Variants in MLIP observed in about 807,000 individuals in gnomAD.
MLIP encodes muscular LMNA interacting protein.
MLIP carries 79 observed loss-of-function variants against 84.8 expected under a neutral mutation model. That is an observed-to-expected ratio of 0.93 (90% CI 0.78 to 1.12). The LOEUF (loss-of-function observed/expected upper bound fraction) is 1.12. Ranked by LOEUF, MLIP falls within the 50% of genes most tolerant of loss-of-function variation. MLIP has a pLI of 0.00. For synonymous variants in MLIP, 504 were observed against 463.0 expected (o/e 1.09, Z -1.14); for missense variants, 1,257 against 1,160.6 (o/e 1.08, Z -1.21).
At chr6:54,106,421 C>T (rs777649290) in intron 1 of MLIP, among the ~76,000 whole-genome samples, 15 of 152,062 alleles carry the variant, frequency 9.9e-5, no homozygotes, top group Non-Finnish European at 1.8e-4. Context: ...TGGTGCTCAT[C>T]AGAGCATCCA....
At chr6:54,212,833 A>G (rs572507108) in intron 11 of MLIP, among the ~76,000 whole-genome samples, 1 of 152,346 alleles carries the variant, frequency 6.6e-6, no homozygotes, top group East Asian at 1.9e-4. Context: ...ACACACATAC[A>G]TATTTAGTGG....
intron 11 of MLIP, among the ~76,000 whole-genome samples, chr6:54,228,236 A>G (rs1489436260): frequency 6.6e-6 from 1 of 150,546 alleles, no homozygotes; most frequent in African/African-American, 2.4e-5. Context: ...AAGAAACAGG[A>G]GATCGAACAT....
intron 1 of MLIP, among the ~76,000 whole-genome samples, chr6:54,117,305 C>T (rs1007370364): frequency 5.3e-5 from 8 of 149,790 alleles, no homozygotes; most frequent in Non-Finnish European, 7.4e-5. Context: ...ACCTCTGCCT[C>T]CCAGGTTCAT....
chr6:54,086,438 G>A, intron 1 of MLIP, among the ~76,000 whole-genome samples: 1 of 152,068 alleles, frequency 6.6e-6, no homozygotes. Flanking sequence ...ACTGAAATTT[G>A]GAATCAGCCA....
In MLIP at chr6:54,136,923, C is replaced by T. The variant is rs754137699; in HGVS notation, c.854C>T (p.Thr285Ile). 60 of 1,535,928 alleles carry T rather than the reference C, an allele frequency of 3.9e-5. No homozygotes were observed. The highest frequency in any genetic ancestry group is 5.1e-5 in the Non-Finnish European group (59 of 1,146,884). Reference sequence around the variant, plus strand: ...TATTTTCAAACTACCGCTCACTCTACACCCTTTTCTGCATCGAAGGGCACC... The same window carrying T: ...TATTTTCAAACTACCGCTCACTCTATACCCTTTTCTGCATCGAAGGGCACC... ...ATYFQTTAHS[T>I]PFSASKGTSS... is the part of the protein sequence containing the mutation. The change falls in exon 4 of 14, where the codon ACA (threonine) becomes ATA (isoleucine). Residue 285 changes from threonine to isoleucine, a missense_variant. Coordinates refer to ENST00000502396, the MANE Select transcript of MLIP (RefSeq NM_001281747.2).
intron 11 of MLIP, among the ~76,000 whole-genome samples, chr6:54,221,135 AGCCTGGGCACAGACAAGTT>A (rs1229761863): frequency 6.6e-6 from 1 of 152,114 alleles, no homozygotes; most frequent in Non-Finnish European, 1.5e-5. Flanking sequence ...TCTCTGTGGC[AGCCTGGGCACAGACAAGTT>A]GCCATGGAAA....
rs771678898 is a variant in MLIP, at chr6:54,189,870, G to A, written c.2545G>A (p.Ala849Thr). The part of the protein sequence containing the change: ...PRAAGRETKY[A>T]NLSSPSSTVS... ...TAAATGCCATGTTTATGTTTTGCAG[G>A]CAAATCTCTCCTCACCATCTTCTAC... Residue 849 changes from alanine (A) to threonine (T), a missense_variant and splice_region_variant, in exon 10 of 14, where the codon GCA (alanine) becomes ACA (threonine). Transcript: ENST00000502396. 1.3e-6 allele frequency: 2 copies of A among 1,598,082 alleles called. No individual in the cohort carries two copies. Among genetic ancestry groups the A allele is most frequent in the Admixed American group, 3.3e-5 (2 of 59,804 alleles).
intron 9 of MLIP, among the ~76,000 whole-genome samples, chr6:54,180,467 T>G (rs1324242278): frequency 2.0e-5 from 3 of 152,206 alleles, no homozygotes; most frequent in Non-Finnish European, 4.4e-5. Context: ...CAATAACTCT[T>G]TGATTTGCCC....
chr6:54,065,391 G>A lies in MLIP; in HGVS notation c.63+46300G>A, dbSNP rs796861546. Among the ~76,000 whole-genome samples the A allele has an allele frequency of 3.0e-5, 3 of 100,436 alleles. 1 individual carries two copies. Among genetic ancestry groups the A allele is most frequent in the African/African-American group, 7.6e-5 (3 of 39,282 alleles). 65.9% of individuals were successfully genotyped at this position (100,436 alleles called of 152,430 possible). ...GACAGAGCTCTCATTCTTTCAAAAA[G>A]GATTTAGAGGCATATTCAAAGATAT... On this transcript the variant is annotated intron_variant, in intron 1 of 12. Transcript: ENST00000274897.
At chr6:54,242,059 A>ATCATAGAGGAT (rs1301833643) in intron 12 of MLIP, among the ~76,000 whole-genome samples, 1 of 152,198 alleles carries the variant, frequency 6.6e-6, no homozygotes, top group Non-Finnish European at 1.5e-5. Context: ...TTGTTTCCCC[A>ATCATAGAGGAT]TCATAGAGGA....
At position 54,196,157 on chromosome 6, in the gene MLIP, C is replaced by T. The variant is rs73741460; in HGVS notation, c.2590-5948C>T. Among the ~76,000 whole-genome samples, 840 of 152,108 alleles carry T rather than the reference C, an allele frequency of 5.5e-3. 10 individuals carry two copies. The highest frequency in any genetic ancestry group is 0.018 in the African/African-American group (741 of 41,514). ...CAATTCAAGAAAAATAATGGAAGAC[C>T]TCAAGGAGTCAATCAGCACCTTTTT... is the stretch of plus-strand genomic sequence containing the variant. On this transcript the variant is annotated intron_variant, in intron 10 of 13. Coordinates refer to ENST00000502396, the MANE Select transcript of MLIP (RefSeq NM_001281747.2).
In MLIP at chr6:54,118,898, G is replaced by A. The variant is rs9349695; in HGVS notation, c.97-2549G>A. Among the ~76,000 whole-genome samples, 89 of 152,234 alleles carry A rather than the reference G, an allele frequency of 5.8e-4. No homozygotes were observed. In the East Asian group the frequency reaches 7.7e-3, roughly 13 times the overall value. On this transcript the variant is annotated intron_variant, in intron 1 of 13. Coordinates refer to ENST00000502396, the MANE Select transcript of MLIP (RefSeq NM_001281747.2). ...TCAAAAGACACACAAATGGCCAACA[G>A]GTATATGGCCAATAGGTATGAATGA... is the stretch of plus-strand genomic sequence containing the variant.
chr6:54,192,493 C>T (rs1420702736), intron 10 of MLIP, among the ~76,000 whole-genome samples: 1 of 151,878 alleles, frequency 6.6e-6, no homozygotes, highest in Admixed American at 6.6e-5. Context: ...TTAAGTAACA[C>T]TATTTATAAA....
intron 11 of MLIP, among the ~76,000 whole-genome samples, chr6:54,221,256 G>C (rs996945746): frequency 2.0e-5 from 3 of 152,010 alleles, no homozygotes; most frequent in South Asian, 2.1e-4. Flanking sequence ...ATAATCCCAG[G>C]TAGTGGTCCT....
chr6:54,122,612 T>A (rs1465414461), intron 2 of MLIP, among the ~76,000 whole-genome samples: 1 of 152,186 alleles, frequency 6.6e-6, no homozygotes, highest in East Asian at 1.9e-4. Flanking sequence ...ATTTCCATGA[T>A]CCTGGGGTTT....
intron 1 of MLIP, among the ~76,000 whole-genome samples, chr6:54,097,591 C>A (rs1426532527): frequency 6.6e-6 from 1 of 151,968 alleles, no homozygotes; most frequent in African/African-American, 2.4e-5. Context: ...ATGATGGTGG[C>A]AGTAAAACAT....
At chr6:54,075,389 A>T (rs1477300632) in intron 1 of MLIP, among the ~76,000 whole-genome samples, 2 of 151,578 alleles carry the variant, frequency 1.3e-5, no homozygotes, top group African/African-American at 2.4e-5. Context: ...TGGATTTGTG[A>T]TTGGTTAGTT....
chr6:54,218,019 C>A, intron 11 of MLIP: 3 of 985,144 alleles, frequency 3.0e-6, no homozygotes, highest in Non-Finnish European at 3.6e-6. Flanking sequence ...ACAGGGGTCA[C>A]AAACTATGGT....
intron 1 of MLIP, among the ~76,000 whole-genome samples, chr6:54,092,595 A>G (rs1374063147): frequency 6.6e-6 from 1 of 152,002 alleles, no homozygotes; most frequent in Non-Finnish European, 1.5e-5. Flanking sequence ...TAGCAAAAGT[A>G]TCACTACTGT....
Sources: gnomAD v4.1 joint callset for allele counts (sites outside exome capture counted in the v4.1 genomes callset) on GRCh38, gnomAD v4.1.1 for gene constraint, MANE v1.5 for transcripts, NCBI Gene and HGNC (gene_info 2026-07-23, HGNC 2026-07-21) for gene names.